Variants in SLC9A6 observed in about 807,000 individuals in gnomAD.
SLC9A6 encodes solute carrier family 9 member A6, also known as sodium/hydrogen exchanger 6.
A neutral mutation model predicts 45.3 loss-of-function variants in SLC9A6; 6 were observed. The observed-to-expected ratio is 0.13, with a 90% CI of 0.07 to 0.26. The LOEUF is 0.26. Ranked by LOEUF, SLC9A6 falls within the 10% of genes least tolerant of loss-of-function variation. The pLI is 1.00. For missense variants in SLC9A6, 278 were observed against 503.7 expected, an observed-to-expected ratio of 0.55 and a Z score of 4.29; for synonymous variants, 191 against 187.7, an observed-to-expected ratio of 1.02 and a Z score of -0.14.
chrX:136,033,624 C>A, intron 16 of SLC9A6, 131 bp downstream of exon 16: 1 of 356,970 alleles, frequency 2.8e-6, no homozygotes, highest in South Asian at 3.0e-5. Flanking sequence ...TCCCTTTCCC[C>A]ATCAGTGCTG....
chrX:136,015,265 T>A (rs2070998289), intron 10 of SLC9A6, among the ~76,000 whole-genome samples: 1 of 112,917 alleles, frequency 8.9e-6, no homozygotes, highest in Admixed American at 9.3e-5. Context: ...ACCCATTTTT[T>A]AAAATATATA....
chrX:135,976,714 A>C (rs2089265026), intron 1 of SLC9A6, among the ~76,000 whole-genome samples: 1 of 112,394 alleles, frequency 8.9e-6, no homozygotes, highest in South Asian at 3.6e-4. Flanking sequence ...TTCCTTTAAA[A>C]AGATGAAGTT....
chrX:136,000,254 C>CAAA (rs1212509294), intron 6 of SLC9A6, among the ~76,000 whole-genome samples: 5 of 15,769 alleles, frequency 3.2e-4, no homozygotes, highest in Non-Finnish European at 3.8e-4. Flanking sequence ...ACCCTGTCTC[C>CAAA]AAAAAAAAAA....
chrX:136,008,238 AT>A (rs375887098), intron 7 of SLC9A6, among the ~76,000 whole-genome samples: 156 of 107,634 alleles, frequency 1.4e-3, no homozygotes, highest in African/African-American at 4.5e-3. Context: ...AAGACTATGA[AT>A]TTTTTTTTTT....
intron 2 of SLC9A6, among the ~76,000 whole-genome samples, chrX:135,989,876 G>T (rs1342921144): frequency 7.2e-5 from 8 of 111,263 alleles, no homozygotes; most frequent in Non-Finnish European, 9.5e-5. Context: ...TCTCTGTTTT[G>T]TGAAAGATAT....
chrX:135,997,398 CTTTT>C (rs1180028983), intron 3 of SLC9A6, among the ~76,000 whole-genome samples: 12 of 63,303 alleles, frequency 1.9e-4, no homozygotes, highest in Non-Finnish European at 2.6e-4. Context: ...CATGCTTTCT[CTTTT>C]TTTTTTTTTT....
intron 12 of SLC9A6, among the ~76,000 whole-genome samples, chrX:136,023,383 G>A (rs1344976509): frequency 9.7e-6 from 1 of 102,869 alleles, no homozygotes; most frequent in Non-Finnish European, 2.0e-5. Context: ...CCAAAACCTG[G>A]AAACAACCCA....
chrX:135,980,005 A>C (rs2089279380), intron 1 of SLC9A6, among the ~76,000 whole-genome samples: 1 of 111,660 alleles, frequency 9.0e-6, no homozygotes. Flanking sequence ...ACCTCAAGTG[A>C]TCTGCCCACC....
chrX:136,041,408 G>A (rs782199874), intron 17 of SLC9A6, among the ~76,000 whole-genome samples: 2 of 111,732 alleles, frequency 1.8e-5, no homozygotes, highest in East Asian at 5.7e-4. Context: ...TCTGGGCCAG[G>A]GAGGAGCATC....
intron 6 of SLC9A6, 136 bp downstream of exon 6, chrX:135,999,104 G>T: frequency 2.1e-6 from 1 of 470,419 alleles, no homozygotes; most frequent in Non-Finnish European, 3.7e-6. Flanking sequence ...TAATTGTGGA[G>T]GAAAAAACAA....
At chrX:136,019,421 C>G (rs918576218) in intron 11 of SLC9A6, among the ~76,000 whole-genome samples, 1 of 111,650 alleles carries the variant, frequency 9.0e-6, no homozygotes, top group African/African-American at 3.3e-5. Context: ...TTGATTACAC[C>G]TACTCACAAG....
intron 11 of SLC9A6, among the ~76,000 whole-genome samples, chrX:136,019,112 C>T (rs142851701): frequency 3.6e-5 from 4 of 111,796 alleles, no homozygotes; most frequent in Non-Finnish European, 7.5e-5. Flanking sequence ...AAAATGGCCT[C>T]GTAACAGGAG....
chrX:135,997,442 CTTTCGCCCAGGCTGGAGTG>C (rs1367435878), intron 3 of SLC9A6, among the ~76,000 whole-genome samples: 3 of 78,331 alleles, frequency 3.8e-5, no homozygotes, highest in Non-Finnish European at 6.8e-5. Context: ...AAGTCTCACT[CTTTCGCCCAGGCTGGAGTG>C]CACTGGCGCG....
At chrX:136,013,130 C>G (rs1359738343) in intron 9 of SLC9A6, 76 bp downstream of exon 9, 2 of 764,062 alleles carry the variant, frequency 2.6e-6, no homozygotes, top group Non-Finnish European at 4.1e-6. Context: ...CCAAGTGGAT[C>G]AGCTCCGTTA....
At chrX:136,044,324 T>C (rs2148216589) in intron 17 of SLC9A6, 128 bp from the exon 18 acceptor site, 1 of 556,307 alleles carries the variant, frequency 1.8e-6, no homozygotes, top group East Asian at 3.5e-5. Flanking sequence ...GTATGGACTT[T>C]AGACTTTATC....
rs2070953115 is a variant in SLC9A6, at chrX:136,013,062, A to G, written c.991+8A>G. On this transcript the variant is annotated splice_region_variant and intron_variant, in intron 9 of 17. Coordinates refer to ENST00000630721, the MANE Select transcript of SLC9A6 (RefSeq NM_001379110.1). ...AAGCATGGGGCTTCACAGGTAGGTG[A>G]CTTGCTCCCTTTGATTGTCAACCCT... is the stretch of plus-strand genomic sequence containing the variant. 8.7e-7 allele frequency: 1 copy of G among 1,146,253 alleles called. No homozygotes were observed. The highest frequency in any genetic ancestry group is 1.8e-5 in the African/African-American group (1 of 55,840). The allele number at this position is 1,146,253 out of a possible 1,213,427, so 94.5% of individuals were successfully genotyped here.
chrX:135,975,981 CA>C (rs782541566), intron 1 of SLC9A6, among the ~76,000 whole-genome samples: 1,014 of 62,439 alleles, frequency 0.016, 18 homozygotes, highest in Admixed American at 0.063. Context: ...TTTCTCTAAC[CA>C]AAAAAAAAAA....
chrX:136,027,012 G>A (rs1230320195), intron 13 of SLC9A6, among the ~76,000 whole-genome samples: 1 of 111,750 alleles, frequency 8.9e-6, no homozygotes, highest in Admixed American at 9.5e-5. Flanking sequence ...CTCACCACCT[G>A]CCAACAGAGA....
chrX:135,985,677 T>G lies in SLC9A6; in HGVS notation c.19T>G (p.Ser7Ala). The G allele has an allele frequency of 1.7e-6, 2 of 1,211,765 alleles. No individual in the cohort carries two copies. The highest frequency in any genetic ancestry group is 2.2e-6 in the Non-Finnish European group (2 of 895,473). ...TAGAGCCATGGACGAGGAGATCGTG[T>G]CCGAGAAGCAAGCCGAGGAGAGCCA... MDEEIV[S>A]EKQAEESHRQ... Residue 7 changes from serine (S) to alanine (A), a missense_variant, in exon 2 of 18, where the codon TCC (serine) becomes GCC (alanine). Physicochemically the swap from Ser to Ala is moderately conservative, Grantham distance 99. Coordinates refer to ENST00000630721, the MANE Select transcript of SLC9A6 (RefSeq NM_001379110.1).
Sources: gnomAD v4.1 joint callset for allele counts (sites outside exome capture counted in the v4.1 genomes callset) on GRCh38, gnomAD v4.1.1 for gene constraint, MANE v1.5 for transcripts, NCBI Gene and HGNC (gene_info 2026-07-23, HGNC 2026-07-21) for gene names.